ANKRD6: variants seen among roughly 807,000 people sequenced by gnomAD.
ANKRD6 encodes the protein ankyrin repeat domain 6, also known as ankyrin repeat domain-containing protein 6.
Under a neutral mutation model 82.3 loss-of-function variants are expected in ANKRD6, and 56 were observed. The ratio of observed to expected loss-of-function variants is 0.68; its 90% CI spans 0.55 to 0.85. ANKRD6 has a LOEUF of 0.85. Among genes scored for constraint, ANKRD6 ranks in the 40% least tolerant of loss-of-function variants. The pLI is 0.00. For missense variants in ANKRD6, 852 were observed against 907.6 expected, an observed-to-expected ratio of 0.94 and a Z score of 0.79; for synonymous variants, 347 against 352.1, an observed-to-expected ratio of 0.99 and a Z score of 0.16.
chr6:89,469,520 C>T (rs1318807782), intron 1 of ANKRD6, among the ~76,000 whole-genome samples: 2 of 152,198 alleles, frequency 1.3e-5, no homozygotes, highest in Non-Finnish European at 1.5e-5. Context: ...AATTTTCTAA[C>T]CTTGTCAGTT....
intron 2 of ANKRD6, among the ~76,000 whole-genome samples, chr6:89,588,864 G>A (rs1396296523): frequency 2.0e-5 from 3 of 152,006 alleles, no homozygotes; most frequent in African/African-American, 7.3e-5. Flanking sequence ...AATTAGCTGG[G>A]TGTGGTGGTG....
At chr6:89,557,089 A>G (rs929648458) in intron 1 of ANKRD6, among the ~76,000 whole-genome samples, 4 of 152,222 alleles carry the variant, frequency 2.6e-5, no homozygotes, top group African/African-American at 7.2e-5. Context: ...GGAGCCCCTC[A>G]TCAAGGTGAG....
chr6:89,515,689 C>T (rs530150586), intron 1 of ANKRD6, among the ~76,000 whole-genome samples: 1 of 152,234 alleles, frequency 6.6e-6, no homozygotes, highest in South Asian at 2.1e-4. Context: ...GAAGGTGCTT[C>T]TCCTGGATTA....
chr6:89,529,939 G>A (rs900500654), intron 1 of ANKRD6, among the ~76,000 whole-genome samples: 4 of 152,036 alleles, frequency 2.6e-5, no homozygotes, highest in East Asian at 1.9e-4. Flanking sequence ...ATCACAGAGC[G>A]CCATAACAAA....
At position 89,627,660 on chromosome 6, in the gene ANKRD6, C is replaced by T. The variant is rs1379501433; in HGVS notation, c.1449C>T (p.His483=). The change falls in exon 14 of 16, where the codon CAC becomes CAT. Residue 483 remains histidine, a synonymous_variant. Coordinates refer to ENST00000339746, the MANE Select transcript of ANKRD6 (RefSeq NM_001242809.2). ...AGTGCCTGAACCGCCTGCAACAGCA[C>T]TCAGACACAGAGAAGCATGAGGGGG... ...RTECLNRLQQ[H]SDTEKHEGEK... The T allele has an allele frequency of 1.2e-6, 2 of 1,613,716 alleles. No individual in the cohort carries two copies. The highest frequency in any genetic ancestry group is 1.3e-5 in the African/African-American group (1 of 74,914).
chr6:89,630,774 G>C lies in ANKRD6; in HGVS notation c.1954G>C (p.Glu652Gln), dbSNP rs774618876. The C allele has an allele frequency of 6.2e-7, 1 of 1,613,902 alleles. No homozygotes were observed. Among genetic ancestry groups the C allele is most frequent in the South Asian group, 1.1e-5 (1 of 91,074 alleles). ...CGQPPPATGSEQTGPHIRDTS... is the reference protein window; with the variant it reads ...CGQPPPATGSQQTGPHIRDTS... The stretch of plus-strand genomic sequence containing the variant: ...GCAGCCGCCACCAGCCACAGGCAGC[G>C]AGCAGACTGGCCCTCACATTCGGGA... Residue 652 changes from glutamate (E) to glutamine (Q), a missense_variant, in exon 16 of 16, where the codon GAG becomes CAG. Coordinates refer to ENST00000339746, the MANE Select transcript of ANKRD6 (RefSeq NM_001242809.2).
intron 14 of ANKRD6, among the ~76,000 whole-genome samples, chr6:89,628,515 A>G (rs1343870083): frequency 6.6e-6 from 1 of 152,216 alleles, no homozygotes; most frequent in Non-Finnish European, 1.5e-5. Context: ...CACGCCTGTA[A>G]TCCCAGCACT....
intron 1 of ANKRD6, among the ~76,000 whole-genome samples, chr6:89,511,751 A>G (rs1416152385): frequency 6.6e-6 from 1 of 152,164 alleles, no homozygotes; most frequent in Non-Finnish European, 1.5e-5. Context: ...ACTATTCCCT[A>G]GGGAACAAAA....
intron 1 of ANKRD6, among the ~76,000 whole-genome samples, chr6:89,497,304 A>T (rs1167199294): frequency 6.6e-6 from 1 of 152,232 alleles, no homozygotes; most frequent in African/African-American, 2.4e-5. Flanking sequence ...TTATTCATCC[A>T]TTCATTCACT....
At chr6:89,539,723 C>T (rs1445798134) in intron 1 of ANKRD6, among the ~76,000 whole-genome samples, 2 of 150,974 alleles carry the variant, frequency 1.3e-5, no homozygotes, top group African/African-American at 4.9e-5. Context: ...GCTGTGCTAT[C>T]AAATAGTAGG....
At chr6:89,461,432 G>A (rs1362363376) in intron 1 of ANKRD6, among the ~76,000 whole-genome samples, 1 of 152,186 alleles carries the variant, frequency 6.6e-6, no homozygotes, top group African/African-American at 2.4e-5. Flanking sequence ...ATTATGCGCT[G>A]TTTGTAGGAA....
chr6:89,567,344 AAAT>A (rs1788756696), intron 2 of ANKRD6, among the ~76,000 whole-genome samples: 1 of 152,206 alleles, frequency 6.6e-6, no homozygotes, highest in African/African-American at 2.4e-5. Flanking sequence ...TTCTTTAGCT[AAAT>A]GGAGAGGAGA....
chr6:89,540,835 T>C (rs1784368711), intron 1 of ANKRD6, among the ~76,000 whole-genome samples: 1 of 152,220 alleles, frequency 6.6e-6, no homozygotes, highest in African/African-American at 2.4e-5. Context: ...GTTTCATTCT[T>C]CTGCATATGG....
intron 1 of ANKRD6, among the ~76,000 whole-genome samples, chr6:89,447,995 G>A (rs1175817414): frequency 6.6e-6 from 1 of 152,008 alleles, no homozygotes; most frequent in Non-Finnish European, 1.5e-5. Flanking sequence ...CTCCATTTAG[G>A]ACTTTCATAG....
chr6:89,588,968 G>C (rs1274140804), intron 2 of ANKRD6, among the ~76,000 whole-genome samples: 2 of 148,930 alleles, frequency 1.3e-5, no homozygotes, highest in Non-Finnish European at 3.0e-5. Context: ...ACTCCAGCCT[G>C]GGTGAGACAG....
chr6:89,542,337 C>T (rs998568804), intron 1 of ANKRD6, among the ~76,000 whole-genome samples: 4 of 152,122 alleles, frequency 2.6e-5, no homozygotes, highest in Admixed American at 2.6e-4. Context: ...TTGTCTCTTT[C>T]TGTGATGTTA....
At chr6:89,569,099 A>G (rs1789199904) in intron 2 of ANKRD6, among the ~76,000 whole-genome samples, 1 of 151,842 alleles carries the variant, frequency 6.6e-6, no homozygotes, top group Admixed American at 6.6e-5. Flanking sequence ...TTTTGAGTAG[A>G]GATAGGGTTT....
At chr6:89,569,121 G>A (rs1326608996) in intron 2 of ANKRD6, among the ~76,000 whole-genome samples, 1 of 151,706 alleles carries the variant, frequency 6.6e-6, no homozygotes, top group African/African-American at 2.4e-5. Flanking sequence ...ACCGTGTTGG[G>A]CCAGGCTGGT....
intron 1 of ANKRD6, among the ~76,000 whole-genome samples, chr6:89,547,056 G>A (rs978573253): frequency 3.3e-5 from 5 of 151,838 alleles, no homozygotes; most frequent in Non-Finnish European, 7.4e-5. Flanking sequence ...CACCTCCTGG[G>A]TTCAAATGAT....
Sources: allele counts gnomAD v4.1 joint callset (sites outside exome capture counted in the v4.1 genomes callset), GRCh38; gene constraint gnomAD v4.1.1; transcripts MANE v1.5; gene names NCBI Gene and HGNC (gene_info 2026-07-23, HGNC 2026-07-21).